Variants in DGKB observed in about 807,000 individuals in gnomAD.
The protein encoded by DGKB is 90 kDa diacylglycerol kinase.
Under a neutral mutation model 114.3 loss-of-function variants are expected in DGKB, and 67 were observed. That is an observed-to-expected ratio of 0.59 (90% CI 0.48 to 0.72). The LOEUF (loss-of-function observed/expected upper bound fraction) is 0.72, where lower values mean the gene tolerates loss of function less well. DGKB is among the 30% of genes least tolerant of loss of function. The pLI is 0.00. For synonymous variants in DGKB, 398 were observed against 323.1 expected, an observed-to-expected ratio of 1.23 and a Z score of -2.49; for missense variants, 907 against 975.2, an observed-to-expected ratio of 0.93 and a Z score of 0.93.
At chr7:14,568,035 G>A (rs920233362) in intron 20 of DGKB, among the ~76,000 whole-genome samples, 4 of 152,254 alleles carry the variant, frequency 2.6e-5, no homozygotes, top group African/African-American at 9.6e-5. Context: ...GGGGTAGAAA[G>A]TTTTATTCCT....
chr7:14,958,873 T>A (rs1786676915), intron 1 of DGKB, among the ~76,000 whole-genome samples: 2 of 152,060 alleles, frequency 1.3e-5, no homozygotes, highest in Non-Finnish European at 2.9e-5. Flanking sequence ...TTTAGGTGGA[T>A]TAAAATCCTA....
At chr7:14,844,171 A>G (rs1848325544) in intron 1 of DGKB, among the ~76,000 whole-genome samples, 1 of 152,210 alleles carries the variant, frequency 6.6e-6, no homozygotes, top group Non-Finnish European at 1.5e-5. Context: ...AGCATATAGA[A>G]AAGTTCTATT....
intron 1 of DGKB, among the ~76,000 whole-genome samples, chr7:14,948,840 G>C (rs1194479728): frequency 6.6e-6 from 1 of 151,614 alleles, no homozygotes; most frequent in Non-Finnish European, 1.5e-5. Flanking sequence ...GAAGATATGG[G>C]AGTAATATCT....
chr7:14,299,799 C>T (rs914108087), intron 23 of DGKB, among the ~76,000 whole-genome samples: 24 of 152,004 alleles, frequency 1.6e-4, no homozygotes, highest in African/African-American at 5.1e-4. Context: ...CCCTGTAAGG[C>T]GTGCCCTTCA....
rs1280551203 is a variant in DGKB, at chr7:14,672,964, T to C, written c.1099A>G (p.Ile367Val). The C allele has an allele frequency of 6.3e-7, 1 of 1,577,816 alleles. No homozygotes were observed. The highest frequency in any genetic ancestry group is 1.8e-5 in the Admixed American group (1 of 54,910). The change falls in exon 13 of 26, where the codon ATT becomes GTT. Residue 367 changes from isoleucine (I) to valine (V), a missense_variant. Physicochemically the swap from Ile to Val is conservative, Grantham distance 29. Coordinates refer to ENST00000402815, the MANE Select transcript of DGKB (RefSeq NM_001350709.2). ...GGACAGATTGTTGTGGGTGGTAAAA[T>C]ATGGTCCTTCAAAGGTCCACAGTCA... ...ECDCGPLKDH[I>V]LPPTTICPVV...
At chr7:14,691,065 A>G (rs1045348279) in intron 9 of DGKB, among the ~76,000 whole-genome samples, 1 of 152,190 alleles carries the variant, frequency 6.6e-6, no homozygotes, top group Non-Finnish European at 1.5e-5. Context: ...GGTCCCCATC[A>G]ACTCCATTTC....
intron 23 of DGKB, among the ~76,000 whole-genome samples, chr7:14,229,699 A>C (rs1791409968): frequency 6.6e-6 from 1 of 152,004 alleles, no homozygotes; most frequent in Non-Finnish European, 1.5e-5. Flanking sequence ...TTTTTTCAAC[A>C]ATTACAAAAT....
intron 25 of DGKB, among the ~76,000 whole-genome samples, chr7:14,174,679 A>G: frequency 6.6e-6 from 1 of 152,046 alleles, no homozygotes; most frequent in East Asian, 1.9e-4. Flanking sequence ...CATTACCACG[A>G]GTTTTACCAC....
chr7:14,621,263 C>CT, intron 15 of DGKB, 115 bp downstream of exon 15: 1 of 641,474 alleles, frequency 1.6e-6, no homozygotes, highest in Non-Finnish European at 2.7e-6. Context: ...CTGAAAGAGT[C>CT]TACTAAGCTA....
At chr7:14,731,472 C>A (rs6947133) in intron 5 of DGKB, among the ~76,000 whole-genome samples, 120,954 of 151,958 alleles carry the variant, frequency 0.8, 48,440 homozygotes, top group Non-Finnish European at 0.85. Context: ...TAATTGATCT[C>A]GGATACAGTG....
intron 17 of DGKB, among the ~76,000 whole-genome samples, chr7:14,593,814 T>C (rs1039523860): frequency 6.3e-4 from 76 of 121,014 alleles, no homozygotes; most frequent in African/African-American, 2.2e-3. Flanking sequence ...TTTAAAATGG[T>C]CCAGTTAAAA....
Position 14,556,772 on chromosome 7 carries a change from T to C in DGKB, c.1770+17440A>G, listed in dbSNP as rs562208665. Among the ~76,000 whole-genome samples, 10 of 152,368 alleles carry C rather than the reference T, an allele frequency of 6.6e-5. No individual in the cohort carries two copies. In the East Asian group the frequency reaches 1.7e-3, roughly 26 times the overall value. On this transcript the variant is annotated intron_variant, in intron 20 of 25. Coordinates refer to ENST00000402815, the MANE Select transcript of DGKB (RefSeq NM_001350709.2). Reference sequence around the variant, plus strand: ...TTTTTGTCTGCTATTGTTGCATTTATATTCACATGTAAATTTTATTTTGGA... The same window carrying C: ...TTTTTGTCTGCTATTGTTGCATTTACATTCACATGTAAATTTTATTTTGGA...
intron 25 of DGKB, among the ~76,000 whole-genome samples, chr7:14,174,042 T>C (rs1361968769): frequency 6.6e-6 from 1 of 152,184 alleles, no homozygotes; most frequent in African/African-American, 2.4e-5. Flanking sequence ...TTCTAACACA[T>C]TAATTAAATT....
At chr7:14,683,532 C>T (rs1821186669) in intron 10 of DGKB, among the ~76,000 whole-genome samples, 1 of 152,084 alleles carries the variant, frequency 6.6e-6, no homozygotes, top group South Asian at 2.1e-4. Flanking sequence ...CCAAGACATA[C>T]ATTTTTGGCA....
In DGKB at chr7:14,184,983, C is replaced by G. The variant is rs374571229; in HGVS notation, c.2123-6832G>C. ...CTGGAACAAGACAAGGATGCCCACT[C>G]TCACCACTACTCTTCAACATAGTAC... On this transcript the variant is annotated intron_variant, in intron 23 of 25. Coordinates refer to ENST00000402815, the MANE Select transcript of DGKB (RefSeq NM_001350709.2). Among the ~76,000 whole-genome samples the G allele has an allele frequency of 4.6e-5, 7 of 152,158 alleles. No individual in the cohort carries two copies. In the East Asian group the frequency reaches 1.2e-3, roughly 25 times the overall value.
At position 14,203,695 on chromosome 7, in the gene DGKB, T is replaced by C. The variant is rs1326156759; in HGVS notation, c.2123-25544A>G. The stretch of plus-strand genomic sequence containing the variant: ...GAGCACATCCTGCACAATTATAATG[T>C]ACTGGGGCCATGGAAAACATCATGA... On this transcript the variant is annotated intron_variant, in intron 23 of 25. Transcript: ENST00000402815. 1.2e-4 allele frequency among the ~76,000 whole-genome samples: 18 copies of C among 151,966 alleles called. 1 individual carries two copies. Among genetic ancestry groups the C allele is most frequent in the African/African-American group, 2.4e-5 (1 of 41,412 alleles).
chr7:14,246,367 C>T (rs577493779), intron 23 of DGKB, among the ~76,000 whole-genome samples: 20 of 152,220 alleles, frequency 1.3e-4, no homozygotes, highest in South Asian at 6.2e-4. Context: ...ATGTTAAGTA[C>T]TTTGCCTAAT....
chr7:14,314,486 C>A (rs958189584), intron 23 of DGKB, among the ~76,000 whole-genome samples: 1 of 151,916 alleles, frequency 6.6e-6, no homozygotes, highest in Non-Finnish European at 1.5e-5. Flanking sequence ...GTGAAGAATG[C>A]AGAAGGCTCA....
intron 1 of DGKB, among the ~76,000 whole-genome samples, chr7:14,929,956 C>G (rs1784923890): frequency 6.6e-6 from 1 of 152,094 alleles, no homozygotes; most frequent in African/African-American, 2.4e-5. Flanking sequence ...CCAATTTTTC[C>G]AGCATCGTTT....
Sources: allele counts gnomAD v4.1 joint callset (sites outside exome capture counted in the v4.1 genomes callset), GRCh38; gene constraint gnomAD v4.1.1; transcripts MANE v1.5; gene names NCBI Gene and HGNC (gene_info 2026-07-23, HGNC 2026-07-21).